TANC2: variants seen among roughly 807,000 people sequenced by gnomAD.
TANC2 encodes the protein tetratricopeptide repeat, ankyrin repeat and coiled-coil containing 2.
TANC2 carries 26 observed loss-of-function variants against 210.5 expected under a neutral mutation model. The ratio of observed to expected loss-of-function variants is 0.12; its 90% CI spans 0.09 to 0.17. The LOEUF is 0.17. TANC2 is among the 10% of genes least tolerant of loss of function. TANC2 has a pLI of 1.00. For synonymous variants in TANC2, 931 were observed against 967.1 expected (o/e 0.96, Z 0.69); for missense variants, 2,129 against 2,608.9 (o/e 0.82, Z 4.01).
intron 3 of TANC2, among the ~76,000 whole-genome samples, chr17:63,098,513 G>GTATATATATATATATATATATATATA (rs779741664): frequency 8.0e-6 from 1 of 125,422 alleles, no homozygotes; most frequent in African/African-American, 3.0e-5. Flanking sequence ...CTCTCTCTGT[G>GTATATATATATATATATATATATATA]TGTATATATA....
intron 4 of TANC2, among the ~76,000 whole-genome samples, chr17:63,143,611 T>C (rs1484958409): frequency 1.3e-5 from 2 of 152,202 alleles, no homozygotes; most frequent in African/African-American, 4.8e-5. Flanking sequence ...GTTTTGAAAT[T>C]GTTACCTGCA....
At chr17:63,195,498 TACCCA>T (rs2041316637) in intron 6 of TANC2, among the ~76,000 whole-genome samples, 1 of 152,194 alleles carries the variant, frequency 6.6e-6, no homozygotes, top group Admixed American at 6.5e-5. Context: ...CCCACTGCTA[TACCCA>T]AGTCCAAGCC....
intron 9 of TANC2, among the ~76,000 whole-genome samples, chr17:63,289,188 C>T (rs992893919): frequency 3.9e-5 from 6 of 152,072 alleles, no homozygotes; most frequent in East Asian, 3.9e-4. Flanking sequence ...TGATGTTCTC[C>T]GACCATCTTG....
chr17:63,281,807 G>C (rs1021344204), intron 9 of TANC2, among the ~76,000 whole-genome samples: 4 of 152,082 alleles, frequency 2.6e-5, no homozygotes, highest in Admixed American at 2.0e-4. Context: ...AAGTCACACA[G>C]AAGTACACAA....
At chr17:63,307,910 C>T (rs1392839195) in intron 9 of TANC2, among the ~76,000 whole-genome samples, 5 of 152,214 alleles carry the variant, frequency 3.3e-5, no homozygotes, top group South Asian at 2.1e-4. Flanking sequence ...GGACTACAGG[C>T]GCCCGCTGCC....
intron 8 of TANC2, among the ~76,000 whole-genome samples, chr17:63,249,274 A>C (rs766963359): frequency 2.6e-5 from 4 of 152,330 alleles, no homozygotes; most frequent in Admixed American, 6.5e-5. Flanking sequence ...CTAAAATATT[A>C]AAAAGATTTA....
intron 9 of TANC2, among the ~76,000 whole-genome samples, chr17:63,312,699 C>T (rs1312477739): frequency 2.0e-5 from 3 of 152,094 alleles, no homozygotes; most frequent in African/African-American, 4.8e-5. Flanking sequence ...CAAATCTGTA[C>T]GTGTGCCCTC....
intron 4 of TANC2, among the ~76,000 whole-genome samples, chr17:63,137,572 G>A (rs2039134177): frequency 6.6e-6 from 1 of 152,110 alleles, no homozygotes; most frequent in African/African-American, 2.4e-5. Flanking sequence ...TTTCATGAAA[G>A]CCTCTCTGTG....
chr17:63,211,078 C>T (rs895220765), intron 7 of TANC2, among the ~76,000 whole-genome samples: 1 of 152,126 alleles, frequency 6.6e-6, no homozygotes, highest in Non-Finnish European at 1.5e-5. Context: ...TTATCTCAGA[C>T]TTAGATTAAT....
At chr17:63,231,974 A>G (rs1032009433) in intron 7 of TANC2, among the ~76,000 whole-genome samples, 7 of 151,856 alleles carry the variant, frequency 4.6e-5, no homozygotes. Context: ...TCTTTTCTCT[A>G]ATCTTTTCTG....
At chr17:63,388,538 A>G in intron 15 of TANC2, 97 bp from the exon 16 acceptor site, 3 of 1,304,320 alleles carry the variant, frequency 2.3e-6, no homozygotes, top group Non-Finnish European at 3.2e-6. Flanking sequence ...CTCCGCTCTC[A>G]TTCATTAGTA....
intron 2 of TANC2, among the ~76,000 whole-genome samples, chr17:63,067,050 G>A (rs993013536): frequency 6.6e-6 from 1 of 152,072 alleles, no homozygotes; most frequent in Admixed American, 6.5e-5. Flanking sequence ...CCACTTCAGG[G>A]TACACAGGCA....
At chr17:63,097,941 A>G (rs1452589027) in intron 3 of TANC2, among the ~76,000 whole-genome samples, 1 of 152,166 alleles carries the variant, frequency 6.6e-6, no homozygotes, top group Non-Finnish European at 1.5e-5. Flanking sequence ...TGTCTAATCT[A>G]CATTTACATC....
chr17:63,150,794 T>C (rs1399748458), intron 4 of TANC2: 1 of 152,198 alleles, frequency 6.6e-6, no homozygotes, highest in Non-Finnish European at 1.5e-5. Context: ...AACAAAAACC[T>C]TTTGATTACA....
intron 2 of TANC2, among the ~76,000 whole-genome samples, chr17:63,046,916 A>T (rs1180214521): frequency 6.6e-6 from 1 of 152,202 alleles, no homozygotes; most frequent in Admixed American, 6.5e-5. Context: ...GAATTTACTT[A>T]TCAGTCAAAA....
intron 8 of TANC2, among the ~76,000 whole-genome samples, chr17:63,258,609 G>T (rs1306915127): frequency 1.3e-5 from 2 of 152,160 alleles, no homozygotes; most frequent in African/African-American, 4.8e-5. Flanking sequence ...TGTAGAAGGA[G>T]TCTCAACACC....
At position 63,379,840 on chromosome 17, in the gene TANC2, T is replaced by C. The variant is rs1400373541; in HGVS notation, c.2691+14T>C. ...CACATTTTTAAGGTAATTAAAGCAG[T>C]TGGAACCATTTTTCCGCCATCTCTA... On this transcript the variant is annotated intron_variant, in intron 15 of 27. Transcript: ENST00000689528. 18 of 1,601,432 alleles carry C rather than the reference T, an allele frequency of 1.1e-5. No individual in the cohort carries two copies. The highest frequency in any genetic ancestry group is 8.5e-5 in the Admixed American group (5 of 59,094).
At position 63,346,788 on chromosome 17, in the gene TANC2, T is replaced by G. The variant is rs193018530; in HGVS notation, c.1808-4462T>G. ...GGCATGAGCACAGCTCACTACAGCC[T>G]CGACCCCCTCGGCTCAAGCAATCCT... On this transcript the variant is annotated intron_variant, in intron 12 of 27. Transcript: ENST00000689528. 7.7e-4 allele frequency among the ~76,000 whole-genome samples: 117 copies of G among 152,248 alleles called. 1 individual carries two copies. The highest frequency in any genetic ancestry group is 2.8e-3 in the African/African-American group (115 of 41,540).
Position 63,421,607 on chromosome 17 carries a change from C to A in TANC2, c.5877C>A (p.Thr1959=). 6.2e-7 allele frequency: 1 copy of A among 1,613,974 alleles called. No individual in the cohort carries two copies. The highest frequency in any genetic ancestry group is 8.5e-7 in the Non-Finnish European group (1 of 1,179,830). ...CCTGGGCAGTGTCATCTGTGGACAC[C>A]GTCCTCAGTCCCACGTCTCCAGGCA... Residue 1959 remains threonine (T), a synonymous_variant, in exon 28 of 28, where the codon ACC becomes ACA. Transcript: ENST00000689528. The surrounding 1 kb of genome is among the most constrained non-coding windows in gnomAD (Gnocchi z 6.9).
Sources: gnomAD v4.1 joint callset for allele counts (sites outside exome capture counted in the v4.1 genomes callset) on GRCh38, gnomAD v4.1.1 for gene constraint, Gnocchi (gnomAD v3.1) non-coding constraint, MANE v1.5 for transcripts, NCBI Gene and HGNC (gene_info 2026-07-23, HGNC 2026-07-21) for gene names.